Variants in SPAG16 observed in about 807,000 individuals in gnomAD.
SPAG16 encodes sperm associated antigen 16.
Under a neutral mutation model 80.4 loss-of-function variants are expected in SPAG16, and 86 were observed. The ratio of observed to expected loss-of-function variants is 1.07; its 90% CI spans 0.90 to 1.28. The LOEUF (loss-of-function observed/expected upper bound fraction) is 1.28, where lower values mean the gene tolerates loss of function less well. SPAG16 is among the 50% of genes most tolerant of loss of function. The pLI, the probability that SPAG16 is intolerant of heterozygous loss-of-function variation, is 0.00. For synonymous variants in SPAG16, 294 were observed against 265.9 expected (o/e 1.11, Z -1.03); for missense variants, 870 against 765.3 (o/e 1.14, Z -1.61).
intron 15 of SPAG16, among the ~76,000 whole-genome samples, chr2:214,409,126 C>T (rs1410735170): frequency 6.6e-6 from 1 of 151,428 alleles, no homozygotes; most frequent in African/African-American, 2.4e-5. Flanking sequence ...ATTACTGTAA[C>T]GATCATTCAG....
At position 213,286,069 on chromosome 2, in the gene SPAG16, G is replaced by C. The variant is rs547960781; in HGVS notation, c.136+1450G>C. On this transcript the variant is annotated intron_variant, in intron 1 of 15. Transcript: ENST00000331683. ...GGAGTCTAACATAACACAACTTTCA[G>C]CAATGAAAATCAGGTTTACTTAATG... Among the ~76,000 whole-genome samples the C allele has an allele frequency of 9.3e-4, 141 of 152,252 alleles. 1 individual carries two copies. Among genetic ancestry groups the C allele is most frequent in the African/African-American group, 3.3e-3 (137 of 41,558 alleles).
At chr2:213,358,119 G>A (rs1160442433) in intron 7 of SPAG16, among the ~76,000 whole-genome samples, 1 of 152,188 alleles carries the variant, frequency 6.6e-6, no homozygotes, top group African/African-American at 2.4e-5. Flanking sequence ...TTTCTGCCGA[G>A]AGATCTGCTG....
intron 12 of SPAG16, among the ~76,000 whole-genome samples, chr2:214,006,324 T>C (rs2124912585): frequency 6.6e-6 from 1 of 152,336 alleles, no homozygotes; most frequent in East Asian, 1.9e-4. Context: ...AAAGGAACTC[T>C]GTGTTAAAAC....
intron 14 of SPAG16, among the ~76,000 whole-genome samples, chr2:214,138,858 T>C (rs2055199841): frequency 6.6e-6 from 1 of 152,064 alleles, no homozygotes; most frequent in African/African-American, 2.4e-5. Flanking sequence ...AAATAATGAC[T>C]CCATCCAGGG....
chr2:213,952,017 ATAAAT>A (rs1322668555), intron 12 of SPAG16, among the ~76,000 whole-genome samples: 1 of 152,300 alleles, frequency 6.6e-6, no homozygotes, highest in Middle Eastern at 3.4e-3. Flanking sequence ...GGCTTTCATG[ATAAAT>A]TAATATATTC....
chr2:213,633,789 T>G (rs991561979), intron 10 of SPAG16, among the ~76,000 whole-genome samples: 4 of 152,188 alleles, frequency 2.6e-5, no homozygotes, highest in African/African-American at 9.6e-5. Context: ...TTTATTTGTC[T>G]CTTCTTATAG....
At chr2:214,008,867 T>A (rs2047155881) in intron 12 of SPAG16, among the ~76,000 whole-genome samples, 1 of 152,182 alleles carries the variant, frequency 6.6e-6, no homozygotes, top group Non-Finnish European at 1.5e-5. Flanking sequence ...TATGGGAAGA[T>A]CATTTTTGCC....
intron 10 of SPAG16, among the ~76,000 whole-genome samples, chr2:213,516,881 A>G (rs1330297554): frequency 6.6e-6 from 1 of 152,166 alleles, no homozygotes; most frequent in Non-Finnish European, 1.5e-5. Flanking sequence ...ATGATAATTG[A>G]TTTTCATATT....
intron 11 of SPAG16, among the ~76,000 whole-genome samples, chr2:213,902,130 C>G (rs1008252163): frequency 2.0e-5 from 3 of 152,106 alleles, no homozygotes; most frequent in African/African-American, 7.2e-5. Context: ...AAATATTTTT[C>G]TGTAAGAACT....
At chr2:213,921,131 C>T (rs1034052206) in intron 11 of SPAG16, among the ~76,000 whole-genome samples, 1 of 152,222 alleles carries the variant, frequency 6.6e-6, no homozygotes, top group Non-Finnish European at 1.5e-5. Flanking sequence ...ACAGGCTTCC[C>T]TCTGAAGCTC....
chr2:214,221,558 C>T (rs2058568689), intron 15 of SPAG16, among the ~76,000 whole-genome samples: 1 of 152,070 alleles, frequency 6.6e-6, no homozygotes, highest in Admixed American at 6.6e-5. Flanking sequence ...TTATCTTTCT[C>T]TTTTAACTCT....
chr2:213,807,803 G>A (rs2071864265), intron 10 of SPAG16, among the ~76,000 whole-genome samples: 1 of 152,168 alleles, frequency 6.6e-6, no homozygotes, highest in East Asian at 1.9e-4. Context: ...GAGCTAAATT[G>A]TGTTAATTCA....
intron 15 of SPAG16, among the ~76,000 whole-genome samples, chr2:214,409,447 T>G (rs2126162274): frequency 6.6e-6 from 1 of 152,216 alleles, no homozygotes; most frequent in South Asian, 2.1e-4. Context: ...GTTTTCACTT[T>G]GAGGAAATGA....
At chr2:214,288,137 C>T (rs767272549) in intron 15 of SPAG16, among the ~76,000 whole-genome samples, 7 of 146,850 alleles carry the variant, frequency 4.8e-5, no homozygotes, top group South Asian at 4.6e-4. Context: ...ATGAGATCAA[C>T]TTTTTTAGCT....
chr2:213,758,756 C>T (rs144678344), intron 10 of SPAG16, among the ~76,000 whole-genome samples: 387 of 152,144 alleles, frequency 2.5e-3, no homozygotes, highest in Non-Finnish European at 4.2e-3. Flanking sequence ...GAAGAAACAA[C>T]GGATAGAACC....
At chr2:213,869,274 T>G (rs1396789058) in intron 11 of SPAG16, among the ~76,000 whole-genome samples, 1 of 101,408 alleles carries the variant, frequency 9.9e-6, no homozygotes, top group Non-Finnish European at 2.4e-5. Context: ...AATATATATA[T>G]ATATATGTAT....
At chr2:213,754,434 TATA>T (rs1299311292) in intron 10 of SPAG16, among the ~76,000 whole-genome samples, 5 of 152,314 alleles carry the variant, frequency 3.3e-5, no homozygotes, top group Admixed American at 2.6e-4. Flanking sequence ...AGTTGAGTGT[TATA>T]ATAAAATATA....
At chr2:214,314,884 T>A (rs142261518) in intron 15 of SPAG16, among the ~76,000 whole-genome samples, 3 of 152,008 alleles carry the variant, frequency 2.0e-5, no homozygotes, top group African/African-American at 7.2e-5. Context: ...AAATGAATGC[T>A]GTTGAAGCAA....
intron 15 of SPAG16, among the ~76,000 whole-genome samples, chr2:214,323,333 T>C (rs1456471032): frequency 6.7e-6 from 1 of 149,058 alleles, no homozygotes; most frequent in Non-Finnish European, 1.5e-5. Flanking sequence ...TATATATATA[T>C]ATTTATTTAT....
Sources: gnomAD v4.1 joint callset for allele counts (sites outside exome capture counted in the v4.1 genomes callset) on GRCh38, gnomAD v4.1.1 for gene constraint, MANE v1.5 for transcripts, NCBI Gene and HGNC (gene_info 2026-07-23, HGNC 2026-07-21) for gene names.